Variants in WRN observed in about 807,000 individuals in gnomAD.
WRN encodes the protein bifunctional 3'-5' exonuclease/ATP-dependent helicase WRN.
Under a neutral mutation model 180.7 loss-of-function variants are expected in WRN, and 149 were observed. That is an observed-to-expected ratio of 0.82 (90% CI 0.72 to 0.94). The LOEUF is 0.94. WRN is among the 40% of genes least tolerant of loss of function. The pLI, the probability that WRN is intolerant of heterozygous loss-of-function variation, is 0.00. For synonymous variants in WRN, 548 were observed against 568.9 expected, an observed-to-expected ratio of 0.96 and a Z score of 0.52; for missense variants, 1,661 against 1,700.1, an observed-to-expected ratio of 0.98 and a Z score of 0.40.
intron 19 of WRN, among the ~76,000 whole-genome samples, chr8:31,113,403 T>G (rs1276777326): frequency 2.6e-5 from 4 of 152,150 alleles, no homozygotes; most frequent in Non-Finnish European, 5.9e-5. Context: ...ATATTCAGAA[T>G]AAAACAAGAA....
intron 4 of WRN, 151 bp downstream of exon 4, chr8:31,064,585 C>A: frequency 8.3e-7 from 1 of 1,199,828 alleles, no homozygotes; most frequent in Non-Finnish European, 1.2e-6. Flanking sequence ...CACTCACATT[C>A]CTTGTTTTAT....
intron 18 of WRN, among the ~76,000 whole-genome samples, chr8:31,108,109 AT>A (rs1801166771): frequency 6.6e-6 from 1 of 152,216 alleles, no homozygotes; most frequent in Non-Finnish European, 1.5e-5. Flanking sequence ...ATTAATTTAT[AT>A]TTGGTTGTTT....
At chr8:31,045,715 T>A (rs907743969) in intron 1 of WRN, among the ~76,000 whole-genome samples, 4 of 152,166 alleles carry the variant, frequency 2.6e-5, no homozygotes, top group African/African-American at 7.2e-5. Context: ...ACTATTTTAA[T>A]TACTGTAGTT....
chr8:31,142,618 T>C lies in WRN; in HGVS notation c.3234-8T>C. ...CATTTGAAATAATTTAATTTTATTA[T>C]TTTTTAGTTCGAAAACTGTATCTTC... is the stretch of plus-strand genomic sequence containing the variant. On this transcript the variant is annotated splice_polypyrimidine_tract_variant and splice_region_variant and intron_variant, in intron 26 of 34. Coordinates refer to ENST00000298139, the MANE Select transcript of WRN (RefSeq NM_000553.6). The C allele has an allele frequency of 6.3e-7, 1 of 1,584,442 alleles. No homozygotes were observed. The highest frequency in any genetic ancestry group is 8.6e-7 in the Non-Finnish European group (1 of 1,164,090).
intron 21 of WRN, among the ~76,000 whole-genome samples, chr8:31,122,280 T>C (rs553397897): frequency 6.6e-6 from 1 of 152,136 alleles, no homozygotes; most frequent in East Asian, 1.9e-4. Flanking sequence ...GAGGGATCTG[T>C]ATCATCCTGG....
chr8:31,115,495 A>C (rs1479226248), intron 19 of WRN, among the ~76,000 whole-genome samples: 1 of 152,216 alleles, frequency 6.6e-6, no homozygotes, highest in African/African-American at 2.4e-5. Flanking sequence ...ACTTTTTACT[A>C]TTATAATGTT....
At chr8:31,062,158 G>A (rs896272279) in intron 3 of WRN, among the ~76,000 whole-genome samples, 24 of 152,152 alleles carry the variant, frequency 1.6e-4, no homozygotes, top group African/African-American at 5.6e-4. Context: ...GTCCTGTACT[G>A]CCTGTTGTCT....
Position 31,124,539 on chromosome 8 carries a change from T to A in WRN, c.2648T>A (p.Ile883Lys), listed in dbSNP as rs978748975. The A allele has an allele frequency of 1.2e-6, 2 of 1,612,616 alleles. No homozygotes were observed. Among genetic ancestry groups the A allele is most frequent in the Admixed American group, 3.3e-5 (2 of 59,962 alleles). The change falls in exon 22 of 35, where the codon ATA (isoleucine) becomes AAA (lysine). Residue 883 changes from isoleucine (I) to lysine (K), a missense_variant. Physicochemically the swap from Ile to Lys is moderately radical, Grantham distance 102 (BLOSUM62 -3). Around this residue, in one of 3 missense-constraint regions of WRN, gnomAD observed 1,141 missense variants for 1,149.4 expected, o/e 0.99. Coordinates refer to ENST00000298139, the MANE Select transcript of WRN (RefSeq NM_000553.6). ...INLNRHLLTE[I>K]RNEKFRLYKL... The stretch of plus-strand genomic sequence containing the variant: ...ATCGACAGGCACCTTCTTACTGAGA[T>A]ACGTAATGAGAAGTTTCGATTATAC...
At chr8:31,168,569 G>A (rs377450175) in intron 34 of WRN, among the ~76,000 whole-genome samples, 2 of 152,106 alleles carry the variant, frequency 1.3e-5, no homozygotes, top group African/African-American at 4.8e-5. Context: ...ATTCTAAAAG[G>A]TATACCTTAT....
chr8:31,035,139 C>T (rs141339236), intron 1 of WRN, among the ~76,000 whole-genome samples: 3 of 152,128 alleles, frequency 2.0e-5, no homozygotes, highest in African/African-American at 7.2e-5. Flanking sequence ...CTAGAGATAC[C>T]AACAATGAAC....
At chr8:31,076,061 C>T in intron 7 of WRN, 112 bp from the exon 8 acceptor site, 2 of 878,870 alleles carry the variant, frequency 2.3e-6, no homozygotes, top group Admixed American at 2.0e-5. Context: ...TGTTGGAATT[C>T]ATTTAAGGAA....
chr8:31,088,999 T>C, intron 13 of WRN, 34 bp downstream of exon 13: 1 of 1,579,552 alleles, frequency 6.3e-7, no homozygotes, highest in Non-Finnish European at 8.7e-7. Context: ...AATCACATAT[T>C]TAGTATTCTC....
At chr8:31,099,417 A>AGG (rs748492501) in intron 17 of WRN, among the ~76,000 whole-genome samples, 11 of 151,970 alleles carry the variant, frequency 7.2e-5, no homozygotes, top group East Asian at 5.8e-4. Flanking sequence ...GAAGGAAGGA[A>AGG]AAATCAGTCA....
intron 2 of WRN, 57 bp from the exon 3 acceptor site, chr8:31,059,096 G>A: frequency 1.6e-6 from 2 of 1,271,970 alleles, no homozygotes; most frequent in African/African-American, 1.5e-5. Flanking sequence ...TTATTTCAGT[G>A]AACATTTGTT....
chr8:31,169,934 AT>A (rs1213421818), intron 34 of WRN, among the ~76,000 whole-genome samples: 1 of 152,030 alleles, frequency 6.6e-6, no homozygotes, highest in African/African-American at 2.4e-5. Flanking sequence ...CTCACTTGCT[AT>A]TGGCTTGGAC....
intron 7 of WRN, among the ~76,000 whole-genome samples, chr8:31,073,083 T>C (rs1023808397): frequency 7.2e-5 from 11 of 152,288 alleles, no homozygotes; most frequent in African/African-American, 1.9e-4. Flanking sequence ...AATACGATGA[T>C]GGGTGATGGG....
At chr8:31,070,838 A>T (rs184328583) in intron 7 of WRN, among the ~76,000 whole-genome samples, 1 of 152,220 alleles carries the variant, frequency 6.6e-6, no homozygotes, top group Non-Finnish European at 1.5e-5. Context: ...TGAGGTCAGG[A>T]GTTTGAGACC....
intron 23 of WRN, among the ~76,000 whole-genome samples, chr8:31,130,915 G>A (rs1421542059): frequency 1.3e-5 from 2 of 152,084 alleles, no homozygotes; most frequent in African/African-American, 4.8e-5. Flanking sequence ...AGCTGAATGA[G>A]CAGGCCACTA....
rs775231592 is a variant in WRN at position 31,081,047 on chromosome 8, T to A, written c.1020T>A (p.Ile340=). Residue 340 remains isoleucine, a synonymous_variant, in exon 9 of 35, where the codon ATT becomes ATA. Coordinates refer to ENST00000298139, the MANE Select transcript of WRN (RefSeq NM_000553.6). ...QKQIREHEVL[I]HVEDETWDPT... The stretch of plus-strand genomic sequence containing the variant: ...AAATTAGAGAACATGAAGTTTTAAT[T>A]CACGTTGAAGATGAAACATGGGACC... 1 of 1,614,022 alleles carries A rather than the reference T, an allele frequency of 6.2e-7. No individual in the cohort carries two copies. The highest frequency in any genetic ancestry group is 8.5e-7 in the Non-Finnish European group (1 of 1,179,968).
Sources: allele counts gnomAD v4.1 joint callset (sites outside exome capture counted in the v4.1 genomes callset), GRCh38; gene constraint gnomAD v4.1.1; regional missense constraint gnomAD v4.1.1; transcripts MANE v1.5; gene names NCBI Gene and HGNC (gene_info 2026-07-23, HGNC 2026-07-21).